The following SIPA1L1 variants were observed in gnomAD, a reference collection of about 807,000 sequenced individuals.
The protein encoded by SIPA1L1 is signal induced proliferation associated 1 like 1.
In SIPA1L1, 26 loss-of-function variants were observed where a neutral mutation model predicts 162.7. The ratio of observed to expected loss-of-function variants is 0.16; its 90% confidence interval spans 0.12 to 0.22. SIPA1L1 has a LOEUF of 0.22. Among genes scored for constraint, SIPA1L1 ranks in the 10% least tolerant of loss-of-function variants. The probability of loss-of-function intolerance (pLI) is 1.00; values close to 1 mark genes in which losing one functional copy is unlikely to be tolerated. For missense variants in SIPA1L1, 1,874 were observed against 2,241.0 expected (o/e 0.84, Z 3.31); for synonymous variants, 829 against 837.4 (o/e 0.99, Z 0.17).
chr14:71,355,612 T>C (rs969654634), intron 2 of SIPA1L1, among the ~76,000 whole-genome samples: 6 of 152,230 alleles, frequency 3.9e-5, no homozygotes, highest in Admixed American at 2.6e-4. Context: ...TTCTCAAATA[T>C]CTTGCCAAGT....
At chr14:71,677,834 C>T (rs554878054) in intron 12 of SIPA1L1, among the ~76,000 whole-genome samples, 212 of 152,190 alleles carry the variant, frequency 1.4e-3, no homozygotes, top group Non-Finnish European at 2.5e-3. Context: ...TTGGTCTATA[C>T]CTCTATTTTG....
chr14:71,479,015 A>T (rs976738897), intron 2 of SIPA1L1, among the ~76,000 whole-genome samples: 1 of 152,092 alleles, frequency 6.6e-6, no homozygotes, highest in African/African-American at 2.4e-5. Context: ...AGGTTTAGGA[A>T]TTCCCTTTTC....
chr14:71,528,033 G>A (rs934554502), intron 3 of SIPA1L1, among the ~76,000 whole-genome samples: 2 of 152,134 alleles, frequency 1.3e-5, no homozygotes, highest in Non-Finnish European at 2.9e-5. Flanking sequence ...GATTACAGGC[G>A]TGAGCCATTG....
chr14:71,555,371 T>G (rs2056261905), intron 4 of SIPA1L1, among the ~76,000 whole-genome samples: 1 of 152,222 alleles, frequency 6.6e-6, no homozygotes, highest in African/African-American at 2.4e-5. Context: ...CTAACTCTTC[T>G]TCTGAGTTTC....
intron 3 of SIPA1L1, among the ~76,000 whole-genome samples, chr14:71,528,198 A>G (rs2053077649): frequency 6.6e-6 from 1 of 152,182 alleles, no homozygotes; most frequent in African/African-American, 2.4e-5. Flanking sequence ...TATTGGAATC[A>G]TATTTTTGCA....
At chr14:71,397,397 A>G (rs1202525544) in intron 2 of SIPA1L1, among the ~76,000 whole-genome samples, 2 of 150,252 alleles carry the variant, frequency 1.3e-5, no homozygotes, top group African/African-American at 4.9e-5. Flanking sequence ...CTTATTAACT[A>G]GTATTTCTTT....
intron 5 of SIPA1L1, among the ~76,000 whole-genome samples, chr14:71,604,246 C>T (rs2037213805): frequency 6.6e-6 from 1 of 151,860 alleles, no homozygotes; most frequent in Admixed American, 6.6e-5. Context: ...CCATCTGCTC[C>T]AGCCTCCCAC....
At chr14:71,705,693 A>T (rs966811911) in intron 16 of SIPA1L1, among the ~76,000 whole-genome samples, 1 of 151,856 alleles carries the variant, frequency 6.6e-6, no homozygotes, top group African/African-American at 2.4e-5. Flanking sequence ...TGCTCCAGCC[A>T]TGAGAGGGCT....
At chr14:71,380,109 C>A (rs1351891252) in intron 2 of SIPA1L1, among the ~76,000 whole-genome samples, 1 of 152,120 alleles carries the variant, frequency 6.6e-6, no homozygotes, top group Admixed American at 6.5e-5. Context: ...GAAATGTAAA[C>A]TTCACAGAGT....
chr14:71,637,596 T>C lies in SIPA1L1; in HGVS notation c.1819-12739T>C, dbSNP rs149645296. ...AATTTAAAAAAAAAGTATCCAGGCTTGGTGGCTCATGTCTGTAGTTAAGAG... is the reference window on the plus strand; with the variant it reads ...AATTTAAAAAAAAAGTATCCAGGCTCGGTGGCTCATGTCTGTAGTTAAGAG... On this transcript the variant is annotated intron_variant, in intron 7 of 23. Coordinates refer to ENST00000381232, the MANE Select transcript of SIPA1L1 (RefSeq NM_001386936.1). Among the ~76,000 whole-genome samples, 92 of 152,002 alleles carry C rather than the reference T, an allele frequency of 6.1e-4. 1 individual carries two copies. Among genetic ancestry groups the C allele is most frequent in the African/African-American group, 2.1e-3 (85 of 41,426 alleles).
intron 3 of SIPA1L1, among the ~76,000 whole-genome samples, chr14:71,525,273 C>A (rs1417883705): frequency 2.0e-5 from 3 of 151,936 alleles, no homozygotes; most frequent in Admixed American, 2.0e-4. Context: ...AGCCCCACCT[C>A]CTGGGTTCAA....
chr14:71,619,850 T>C (rs1349109349), intron 6 of SIPA1L1, among the ~76,000 whole-genome samples: 2 of 152,188 alleles, frequency 1.3e-5, no homozygotes, highest in Admixed American at 1.3e-4. Flanking sequence ...TATAGGACTT[T>C]TAAAGACAAG....
At chr14:71,460,599 A>G (rs2141875401) in intron 2 of SIPA1L1, among the ~76,000 whole-genome samples, 1 of 152,256 alleles carries the variant, frequency 6.6e-6, no homozygotes, top group East Asian at 1.9e-4. Context: ...AGTTTAATGG[A>G]ATCATCGTTG....
chr14:71,524,874 T>C lies in SIPA1L1; in HGVS notation c.-361-4438T>C, dbSNP rs138590004. Among the ~76,000 whole-genome samples the C allele has an allele frequency of 1.1e-4, 16 of 152,330 alleles. No individual in the cohort carries two copies. In the East Asian group the frequency reaches 3.1e-3, roughly 29 times the overall value. ...CGTTCTCTCCCTCTGCCTAGAGTGATACTTCTATTCTCCTAACCTTGCCTA... is the reference window on the plus strand; with the variant it reads ...CGTTCTCTCCCTCTGCCTAGAGTGACACTTCTATTCTCCTAACCTTGCCTA... On this transcript the variant is annotated intron_variant, in intron 3 of 23. Coordinates refer to ENST00000381232, the MANE Select transcript of SIPA1L1 (RefSeq NM_001386936.1).
intron 4 of SIPA1L1, among the ~76,000 whole-genome samples, chr14:71,571,247 G>A (rs1269976077): frequency 6.6e-6 from 1 of 151,866 alleles, no homozygotes; most frequent in Non-Finnish European, 1.5e-5. Flanking sequence ...AGAAATGGAG[G>A]GTGCAGGAGA....
chr14:71,504,420 T>A (rs1181674951), intron 2 of SIPA1L1, among the ~76,000 whole-genome samples: 4 of 152,194 alleles, frequency 2.6e-5, no homozygotes, highest in African/African-American at 9.7e-5. Flanking sequence ...ACAGAGTAGT[T>A]TAAAACTGCA....
At chr14:71,678,413 C>A (rs1224467333) in intron 12 of SIPA1L1, among the ~76,000 whole-genome samples, 2 of 152,026 alleles carry the variant, frequency 1.3e-5, no homozygotes, top group Non-Finnish European at 2.9e-5. Context: ...TGGTTTTTGT[C>A]TTTCATTCTG....
chr14:71,647,886 G>A (rs529352621), intron 7 of SIPA1L1, among the ~76,000 whole-genome samples: 1 of 134,070 alleles, frequency 7.5e-6, no homozygotes, highest in South Asian at 2.6e-4. Flanking sequence ...TGTGCAGCAA[G>A]TTTTACCCTG....
intron 2 of SIPA1L1, among the ~76,000 whole-genome samples, chr14:71,464,049 G>T (rs2141977880): frequency 6.6e-6 from 1 of 152,296 alleles, no homozygotes; most frequent in South Asian, 2.1e-4. Flanking sequence ...GACATACAGA[G>T]AAGAGCAATT....
Sources: gnomAD v4.1 joint callset for allele counts (sites outside exome capture counted in the v4.1 genomes callset) on GRCh38, gnomAD v4.1.1 for gene constraint, MANE v1.5 for transcripts, NCBI Gene and HGNC (gene_info 2026-07-23, HGNC 2026-07-21) for gene names.